Variants in CPNE4 observed in about 807,000 individuals in gnomAD.
The protein encoded by CPNE4 is copine-4.
Under a neutral mutation model 67.9 loss-of-function variants are expected in CPNE4, and 25 were observed. The ratio of observed to expected loss-of-function variants is 0.37; its 90% CI spans 0.27 to 0.51. The LOEUF is 0.51. Among genes scored for constraint, CPNE4 ranks in the 20% least tolerant of loss-of-function variants. CPNE4 has a pLI of 0.93. For synonymous variants in CPNE4, 242 were observed against 244.9 expected (o/e 0.99, Z 0.11); for missense variants, 464 against 690.8 (o/e 0.67, Z 3.68).
At chr3:131,766,584 C>T (rs983409769) in intron 2 of CPNE4, among the ~76,000 whole-genome samples, 2 of 152,040 alleles carry the variant, frequency 1.3e-5, no homozygotes, top group African/African-American at 4.8e-5. Flanking sequence ...AAAGCTGGTA[C>T]CAGCCAGCTC....
chr3:131,872,690 C>G (rs539480760), intron 2 of CPNE4, among the ~76,000 whole-genome samples: 2 of 152,336 alleles, frequency 1.3e-5, no homozygotes, highest in South Asian at 4.1e-4. Context: ...AGTATGACTT[C>G]TGTCTGGTTC....
chr3:131,967,865 T>G (rs2072395691), intron 1 of CPNE4, among the ~76,000 whole-genome samples: 1 of 152,146 alleles, frequency 6.6e-6, no homozygotes, highest in Non-Finnish European at 1.5e-5. Context: ...ACTTTAAAAT[T>G]TCATGTGGAA....
intron 1 of CPNE4, among the ~76,000 whole-genome samples, chr3:131,941,379 T>A (rs1241726277): frequency 1.3e-5 from 2 of 152,026 alleles, no homozygotes; most frequent in African/African-American, 4.8e-5. Context: ...TAATGTTACA[T>A]TGAATTCAGC....
In CPNE4 at chr3:131,993,870, C is replaced by A. The variant is rs553607490; in HGVS notation, c.-2+40697G>T. Reference sequence around the variant, plus strand: ...AAAAGACATACAAATTAGGAAGAAACAAGAAACAATGCTGTCTCTGTCCTC... The same window carrying A: ...AAAAGACATACAAATTAGGAAGAAAAAAGAAACAATGCTGTCTCTGTCCTC... On this transcript the variant is annotated intron_variant, in intron 1 of 15. Transcript: ENST00000429747. Among the ~76,000 whole-genome samples, 2 of 135,448 alleles carry A rather than the reference C, an allele frequency of 1.5e-5. 1 individual carries two copies. The highest frequency in any genetic ancestry group is 3.4e-5 in the Non-Finnish European group (2 of 59,682). 88.9% of individuals were successfully genotyped at this position (135,448 alleles called of 152,430 possible). A position where few individuals can be genotyped will look rare whatever the true frequency, so the allele number is the denominator to read the frequency against.
intron 1 of CPNE4, among the ~76,000 whole-genome samples, chr3:132,000,423 G>T (rs1170701315): frequency 6.6e-6 from 1 of 151,732 alleles, no homozygotes; most frequent in Non-Finnish European, 1.5e-5. Flanking sequence ...ATAAAACAGA[G>T]CACAAAATTT....
Position 131,951,433 on chromosome 3 carries a change from C to G in CPNE4, c.-1-45989G>C, listed in dbSNP as rs1273517956. 2.6e-5 allele frequency among the ~76,000 whole-genome samples: 4 copies of G among 152,268 alleles called. No individual in the cohort carries two copies. The East Asian group carries it at 7.7e-4, about 29-fold the overall frequency. On this transcript the variant is annotated intron_variant, in intron 1 of 15. Transcript: ENST00000429747. ...TCTCATATAGATGTGGCAGAAACTA[C>G]TATTTACAGTCCAGAGCCTAATTGC... is the stretch of plus-strand genomic sequence containing the variant.
intron 2 of CPNE4, among the ~76,000 whole-genome samples, chr3:131,775,401 C>G (rs948410051): frequency 6.6e-6 from 1 of 152,064 alleles, no homozygotes; most frequent in Admixed American, 6.6e-5. Flanking sequence ...CCAAAAGATG[C>G]TAGAGAAAGA....
chr3:131,809,315 A>C (rs1036162109), intron 2 of CPNE4, among the ~76,000 whole-genome samples: 3 of 152,160 alleles, frequency 2.0e-5, no homozygotes, highest in Non-Finnish European at 2.9e-5. Context: ...GACCTCTAAG[A>C]AATGGAAAAG....
chr3:131,689,584 C>T (rs1290065668), intron 5 of CPNE4, among the ~76,000 whole-genome samples: 4 of 151,944 alleles, frequency 2.6e-5, no homozygotes, highest in Non-Finnish European at 5.9e-5. Context: ...CTTATGCCAT[C>T]TATGACAAAC....
intron 7 of CPNE4, among the ~76,000 whole-genome samples, chr3:131,644,494 G>C (rs777557402): frequency 2.6e-5 from 4 of 152,194 alleles, no homozygotes; most frequent in Non-Finnish European, 4.4e-5. Context: ...GACACTGCTG[G>C]TTAGGGGGAT....
rs530769700 is a variant in CPNE4, at chr3:132,030,482, T to C, written c.-2+4085A>G. Among the ~76,000 whole-genome samples, 5 of 152,286 alleles carry C rather than the reference T, an allele frequency of 3.3e-5. No individual in the cohort carries two copies. The South Asian group carries it at 6.2e-4, about 19-fold the overall frequency. On this transcript the variant is annotated intron_variant, in intron 1 of 15. Coordinates refer to ENST00000429747, the MANE Select transcript of CPNE4 (RefSeq NM_130808.3). ...TTGCTGATCACAGTTTAGAGATGAG[T>C]CCATCACAGATCAGCTTAAATGGGC...
intron 2 of CPNE4, among the ~76,000 whole-genome samples, chr3:131,882,660 T>C (rs2087723570): frequency 6.6e-6 from 1 of 152,136 alleles, no homozygotes; most frequent in African/African-American, 2.4e-5. Flanking sequence ...CTCTACAATG[T>C]AAGTACTTTT....
chr3:131,926,486 T>C (rs1455020437), intron 1 of CPNE4, among the ~76,000 whole-genome samples: 1 of 152,008 alleles, frequency 6.6e-6, no homozygotes, highest in Non-Finnish European at 1.5e-5. Flanking sequence ...CATGTGGAGA[T>C]ATAGGAGGAT....
chr3:132,012,992 G>A (rs2073805911), intron 1 of CPNE4, among the ~76,000 whole-genome samples: 1 of 152,216 alleles, frequency 6.6e-6, no homozygotes, highest in South Asian at 2.1e-4. Context: ...GGAGGCTGAG[G>A]CGGGTGGATC....
At chr3:131,987,280 T>C (rs2073076321) in intron 1 of CPNE4, among the ~76,000 whole-genome samples, 1 of 152,168 alleles carries the variant, frequency 6.6e-6, no homozygotes, top group African/African-American at 2.4e-5. Flanking sequence ...AAGGAAAACC[T>C]CTTTGGTGCT....
rs3041574 is a variant in CPNE4, at chr3:131,923,704, CAAAAAAAA to C, written c.-1-18268_-1-18261del. On this transcript the variant is annotated intron_variant, in intron 1 of 15. Coordinates refer to ENST00000429747, the MANE Select transcript of CPNE4 (RefSeq NM_130808.3). ...TGGGTGACAGAGCTAGACTCCGTCT[CAAAAAAAA>C]AAAAAAAAAAAAAAAAATTAAAAAA... Among the ~76,000 whole-genome samples, 25 of 39,286 alleles carry C rather than the reference CAAAAAAAA, an allele frequency of 6.4e-4. 1 individual carries two copies. In the East Asian group the frequency reaches 0.016, roughly 26 times the overall value. 25.8% of individuals were successfully genotyped at this position (39,286 alleles called of 152,430 possible). A position where few individuals can be genotyped will look rare whatever the true frequency, so the allele number is the denominator to read the frequency against.
At chr3:131,659,487 A>G (rs975256452) in intron 7 of CPNE4, among the ~76,000 whole-genome samples, 2 of 152,218 alleles carry the variant, frequency 1.3e-5, no homozygotes, top group Non-Finnish European at 2.9e-5. Flanking sequence ...CCAGCCAGAT[A>G]ATAAGAGGGC....
At chr3:131,692,433 G>A (rs2081055915) in intron 5 of CPNE4, among the ~76,000 whole-genome samples, 1 of 152,052 alleles carries the variant, frequency 6.6e-6, no homozygotes, top group South Asian at 2.1e-4. Context: ...TTTCAAGCAG[G>A]CATACTTAAA....
intron 2 of CPNE4, among the ~76,000 whole-genome samples, chr3:131,873,305 C>T (rs1012157899): frequency 2.6e-5 from 4 of 152,314 alleles, no homozygotes; most frequent in Admixed American, 2.6e-4. Context: ...AATTATCTCT[C>T]TTAAAATAAT....
Sources: allele counts gnomAD v4.1 joint callset (sites outside exome capture counted in the v4.1 genomes callset), GRCh38; gene constraint gnomAD v4.1.1; transcripts MANE v1.5; gene names NCBI Gene and HGNC (gene_info 2026-07-23, HGNC 2026-07-21).